The following PPP2R2B variants were observed in gnomAD, a reference collection of about 807,000 sequenced individuals.
The protein encoded by PPP2R2B is serine/threonine-protein phosphatase 2A 55 kDa regulatory subunit B beta isoform.
Under a neutral mutation model 46.0 loss-of-function variants are expected in PPP2R2B, and 5 were observed. The ratio of observed to expected loss-of-function variants is 0.11; its 90% CI spans 0.06 to 0.23. PPP2R2B has a LOEUF of 0.23. Among genes scored for constraint, PPP2R2B ranks in the 10% least tolerant of loss-of-function variants. The pLI is 1.00. For missense variants in PPP2R2B, 367 were observed against 575.0 expected (o/e 0.64, Z 3.70); for synonymous variants, 215 against 206.7 (o/e 1.04, Z -0.34).
intron 7 of PPP2R2B, among the ~76,000 whole-genome samples, chr5:146,622,291 G>A (rs1369603024): frequency 6.6e-6 from 1 of 152,220 alleles, no homozygotes; most frequent in Non-Finnish European, 1.5e-5. Flanking sequence ...AATATTGAGT[G>A]TTTGCTGTGG....
intron 1 of PPP2R2B, among the ~76,000 whole-genome samples, chr5:147,051,540 C>G (rs983651610): frequency 3.1e-4 from 47 of 152,040 alleles, no homozygotes; most frequent in Admixed American, 9.2e-4. Context: ...TAGAGAATAG[C>G]AGCATGGAAA....
At chr5:147,068,624 T>C (rs1169694527) in intron 2 of PPP2R2B, among the ~76,000 whole-genome samples, 1 of 152,234 alleles carries the variant, frequency 6.6e-6, no homozygotes, top group African/African-American at 2.4e-5. Flanking sequence ...GTAAGATACT[T>C]TTTAGAAAAA....
chr5:146,897,644 A>G (rs951870993), intron 1 of PPP2R2B, among the ~76,000 whole-genome samples: 1 of 152,210 alleles, frequency 6.6e-6, no homozygotes, highest in Admixed American at 6.5e-5. Context: ...AAAAAGAACA[A>G]GATAAACAAA....
chr5:146,701,063 T>C lies in PPP2R2B; in HGVS notation c.150A>G (p.Ile50Met), dbSNP rs140556908. ...ATGDKGGRVVIFQREQESKNQ... is the reference protein window; with the variant it reads ...ATGDKGGRVVMFQREQESKNQ... Reference sequence around the variant, plus strand: ...CACTTACCTCCTGCTCTCGTTGAAATATTACAACCCGACCCCCCTTGTCCC... The same window carrying C: ...CACTTACCTCCTGCTCTCGTTGAAACATTACAACCCGACCCCCCTTGTCCC... The change falls in exon 3 of 10, where the codon ATA becomes ATG. Residue 50 changes from isoleucine (I) to methionine (M), a missense_variant. Ile to Met is a conservative substitution (Grantham distance 10). Transcript: ENST00000394411. 4.2e-4 allele frequency: 681 copies of C among 1,613,150 alleles called. 5 individuals carry two copies. The highest frequency in any genetic ancestry group is 4.5e-4 in the Non-Finnish European group (534 of 1,179,218).
chr5:146,623,766 T>C (rs928813563), intron 7 of PPP2R2B, among the ~76,000 whole-genome samples: 3 of 152,200 alleles, frequency 2.0e-5, no homozygotes, highest in African/African-American at 7.2e-5. Context: ...TGACCTCTGC[T>C]GTCTCCAGTC....
rs76512792 is a variant in PPP2R2B, at chr5:146,651,032, T to C, written c.448-308A>G. Among the ~76,000 whole-genome samples, 967 of 152,294 alleles carry C rather than the reference T, an allele frequency of 6.3e-3. 22 individuals are homozygous for C. Among genetic ancestry groups the C allele is most frequent in the Admixed American group, 0.041 (632 of 15,296 alleles). On this transcript the variant is annotated intron_variant, in intron 5 of 9. Coordinates refer to ENST00000394411, the MANE Select transcript of PPP2R2B (RefSeq NM_181675.4). ...GAACTTGGCTTCCATTGTGGAGTCA[T>C]TACCTTCCAGAGACATTGTTCTATT...
intron 2 of PPP2R2B, among the ~76,000 whole-genome samples, chr5:146,836,361 T>C (rs1363701844): frequency 6.6e-6 from 1 of 152,230 alleles, no homozygotes; most frequent in Non-Finnish European, 1.5e-5. Flanking sequence ...TCAAGGCTCT[T>C]CAGTATTGGG....
At chr5:146,950,993 C>T (rs1764634068) in intron 1 of PPP2R2B, among the ~76,000 whole-genome samples, 1 of 151,926 alleles carries the variant, frequency 6.6e-6, no homozygotes, top group African/African-American at 2.4e-5. Flanking sequence ...TATACAACCT[C>T]AGGTAGAGAT....
At chr5:146,901,527 A>G (rs1762835731) in intron 1 of PPP2R2B, among the ~76,000 whole-genome samples, 1 of 151,922 alleles carries the variant, frequency 6.6e-6, no homozygotes, top group Admixed American at 6.6e-5. Context: ...ACCAAAATAC[A>G]AACTCCCCTA....
At chr5:146,696,777 C>G (rs1040525055) in intron 4 of PPP2R2B, among the ~76,000 whole-genome samples, 1 of 152,112 alleles carries the variant, frequency 6.6e-6, no homozygotes, top group Non-Finnish European at 1.5e-5. Context: ...AAACCAGCTG[C>G]GTCCGAATTG....
intron 7 of PPP2R2B, among the ~76,000 whole-genome samples, chr5:146,600,992 C>T (rs1771727443): frequency 6.6e-6 from 1 of 152,220 alleles, no homozygotes; most frequent in Non-Finnish European, 1.5e-5. Flanking sequence ...ACACCATCTA[C>T]TTTCTGATTC....
chr5:147,017,834 G>A (rs1331140409), intron 1 of PPP2R2B, among the ~76,000 whole-genome samples: 1 of 152,090 alleles, frequency 6.6e-6, no homozygotes, highest in African/African-American at 2.4e-5. Context: ...AAATGACAGT[G>A]AAAGAAAAGC....
intron 6 of PPP2R2B, among the ~76,000 whole-genome samples, chr5:146,639,682 T>G (rs1004794367): frequency 7.9e-5 from 12 of 152,246 alleles, no homozygotes; most frequent in Non-Finnish European, 1.5e-4. Flanking sequence ...GAGCCACCTT[T>G]GTGATTTTTG....
intron 1 of PPP2R2B, among the ~76,000 whole-genome samples, chr5:146,963,002 G>A (rs1469708994): frequency 6.6e-6 from 1 of 152,146 alleles, no homozygotes; most frequent in Admixed American, 6.6e-5. Context: ...CCCCTTTACT[G>A]TGCTGACTCA....
At position 146,588,100 on chromosome 5, in the gene PPP2R2B, T is replaced by A. The variant is rs1770260482; in HGVS notation, c.*1847A>T. ...AACACTGTCCCAGTCAGGACAGAAA[T>A]CTTGCCCAGAGAGTTTACACCTTAG... On this transcript the variant is annotated 3_prime_UTR_variant, in exon 10 of 10. Coordinates refer to ENST00000394411, the MANE Select transcript of PPP2R2B (RefSeq NM_181675.4). 1 of 88,514 alleles carries A rather than the reference T, an allele frequency of 1.1e-5. No homozygotes were observed. Among genetic ancestry groups the A allele is most frequent in the African/African-American group, 3.5e-5 (1 of 28,504 alleles). 5.5% of individuals were successfully genotyped at this position (88,514 alleles called of 1,614,324 possible). A position where few individuals can be genotyped will look rare whatever the true frequency, so the allele number is the denominator to read the frequency against.
chr5:146,682,474 T>C (rs1004631434), intron 5 of PPP2R2B, among the ~76,000 whole-genome samples: 1 of 152,198 alleles, frequency 6.6e-6, no homozygotes, highest in Non-Finnish European at 1.5e-5. Flanking sequence ...ATAGTTATTA[T>C]TCTGGAGTCA....
chr5:146,793,399 A>C (rs1756334054), intron 2 of PPP2R2B, among the ~76,000 whole-genome samples: 1 of 152,258 alleles, frequency 6.6e-6, no homozygotes, highest in Non-Finnish European at 1.5e-5. Context: ...AGTTGCTGAC[A>C]TATAGATACT....
chr5:146,937,287 T>A (rs2151826684), intron 1 of PPP2R2B, among the ~76,000 whole-genome samples: 1 of 147,806 alleles, frequency 6.8e-6, no homozygotes, highest in South Asian at 2.2e-4. Flanking sequence ...GGTGACAGAG[T>A]GAGACTCCGT....
rs541443830 is a variant in PPP2R2B at position 146,653,278 on chromosome 5, G to C, written c.448-2554C>G. On this transcript the variant is annotated intron_variant, in intron 5 of 9. Transcript: ENST00000394411. ...TAGGTATGATAAATGCTCTGAAAGT[G>C]ACATAAATTGCCAGGAGAATTTATG... Among the ~76,000 whole-genome samples the C allele has an allele frequency of 9.2e-5, 14 of 152,292 alleles. No homozygotes were observed. The South Asian group carries it at 2.7e-3, about 29-fold the overall frequency.
Sources: gnomAD v4.1 joint callset for allele counts (sites outside exome capture counted in the v4.1 genomes callset) on GRCh38, gnomAD v4.1.1 for gene constraint, MANE v1.5 for transcripts, NCBI Gene and HGNC (gene_info 2026-07-23, HGNC 2026-07-21) for gene names.